RNF10: variants seen among roughly 807,000 people sequenced by gnomAD.
RNF10 encodes the protein E3 ubiquitin-protein ligase RNF10.
A neutral mutation model predicts 91.4 loss-of-function variants in RNF10; 38 were observed. That is an observed-to-expected ratio of 0.42 (90% CI 0.32 to 0.54). The LOEUF (loss-of-function observed/expected upper bound fraction) is 0.54. Ranked by LOEUF, RNF10 falls within the 20% of genes least tolerant of loss-of-function variation. The pLI is 0.16. For synonymous variants in RNF10, 364 were observed against 366.3 expected, an observed-to-expected ratio of 0.99 and a Z score of 0.07; for missense variants, 945 against 1,012.0, an observed-to-expected ratio of 0.93 and a Z score of 0.90.
rs570911445 is a variant in RNF10 at position 120,556,632 on chromosome 12, A to T, written c.646-650A>T. Reference sequence around the variant, plus strand: ...ATAGCATAAAAACTTAAGTTTTATTAAAAAAAAATGAAGTCTTTTTAATGC... The same window carrying T: ...ATAGCATAAAAACTTAAGTTTTATTTAAAAAAAATGAAGTCTTTTTAATGC... On this transcript the variant is annotated intron_variant, in intron 4 of 16. Transcript: ENST00000325954. Among the ~76,000 whole-genome samples the T allele has an allele frequency of 4.3e-4, 64 of 148,166 alleles. No individual in the cohort carries two copies. In the South Asian group the frequency reaches 6.0e-3, roughly 14 times the overall value.
chr12:120,564,011 A>G (rs1201002030), intron 10 of RNF10, 68 bp downstream of exon 10: 4 of 1,572,818 alleles, frequency 2.5e-6, no homozygotes, highest in East Asian at 2.2e-5. Flanking sequence ...AGGTAGGCCT[A>G]GCCATCCTAA....
chr12:120,537,976 C>T (rs1871081286), intron 1 of RNF10, among the ~76,000 whole-genome samples: 1 of 152,090 alleles, frequency 6.6e-6, no homozygotes, highest in Admixed American at 6.6e-5. Context: ...AGCAGATACT[C>T]AGGAGCTCTG....
chr12:120,569,819 T>G (rs1876348419), intron 13 of RNF10, among the ~76,000 whole-genome samples: 1 of 152,100 alleles, frequency 6.6e-6, no homozygotes, highest in African/African-American at 2.4e-5. Flanking sequence ...ATTATAGGCC[T>G]GAGCCACTGT....
At chr12:120,535,710 G>C (rs1249251863) in intron 1 of RNF10, among the ~76,000 whole-genome samples, 1 of 152,160 alleles carries the variant, frequency 6.6e-6, no homozygotes, top group African/African-American at 2.4e-5. Context: ...TGGACTATAG[G>C]ATTGTCCTTT....
At chr12:120,559,349 T>G (rs1874503245) in intron 6 of RNF10, among the ~76,000 whole-genome samples, 1 of 151,616 alleles carries the variant, frequency 6.6e-6, no homozygotes, top group Non-Finnish European at 1.5e-5. Context: ...GCCCGGCTAA[T>G]TTTTGTTTTT....
chr12:120,544,306 G>T (rs1406635920), intron 1 of RNF10, among the ~76,000 whole-genome samples: 2 of 148,322 alleles, frequency 1.3e-5, no homozygotes, highest in Non-Finnish European at 3.0e-5. Context: ...GATTGCTTGA[G>T]TCCAGGAGTT....
chr12:120,558,139 T>G (rs1201895097), intron 6 of RNF10, among the ~76,000 whole-genome samples: 1 of 152,184 alleles, frequency 6.6e-6, no homozygotes, highest in Non-Finnish European at 1.5e-5. Flanking sequence ...GGGGAAAAGA[T>G]AGATTTCTCA....
intron 11 of RNF10, 24 bp from the exon 12 acceptor site, chr12:120,565,404 C>T: frequency 6.2e-7 from 1 of 1,611,380 alleles, no homozygotes; most frequent in Non-Finnish European, 8.5e-7. Flanking sequence ...GGGTCTACCT[C>T]TTTACAACCT....
At chr12:120,537,883 G>T (rs1010331769) in intron 1 of RNF10, among the ~76,000 whole-genome samples, 1 of 152,150 alleles carries the variant, frequency 6.6e-6, no homozygotes, top group Non-Finnish European at 1.5e-5. Flanking sequence ...AGATTAAAAG[G>T]TTAGGAAACT....
At chr12:120,556,235 C>T (rs1406592559) in intron 4 of RNF10, among the ~76,000 whole-genome samples, 3 of 151,950 alleles carry the variant, frequency 2.0e-5, no homozygotes, top group Non-Finnish European at 4.4e-5. Context: ...GGGCTTTTGA[C>T]CTTAAAGCTT....
chr12:120,563,306 A>C (rs1246547197), intron 8 of RNF10, 41 bp from the exon 9 acceptor site: 3 of 1,572,048 alleles, frequency 1.9e-6, no homozygotes. Context: ...TTCGGAAAGC[A>C]GGAGATATCC....
Position 120,575,843 on chromosome 12 carries a change from A to G in RNF10, c.2252A>G (p.Asp751Gly). Residue 751 changes from aspartate (D) to glycine (G), a missense_variant, in exon 16 of 17, where the codon GAT becomes GGT. Transcript: ENST00000325954. Reference protein sequence around the residue: ...PAPVDSDGESDNSDRVPVPSF... With the variant: ...PAPVDSDGESGNSDRVPVPSF... ...CCTGTGGACAGCGACGGGGAGAGTGATAATTCAGACCGTGTTCCTGTGCCC... is the reference window on the plus strand; with the variant it reads ...CCTGTGGACAGCGACGGGGAGAGTGGTAATTCAGACCGTGTTCCTGTGCCC... 6.2e-7 allele frequency: 1 copy of G among 1,614,200 alleles called. No homozygotes were observed. The highest frequency in any genetic ancestry group is 8.5e-7 in the Non-Finnish European group (1 of 1,180,022).
chr12:120,566,632 C>T (rs1257162846), intron 12 of RNF10, among the ~76,000 whole-genome samples, 193 bp from the exon 13 acceptor site: 4 of 151,936 alleles, frequency 2.6e-5, no homozygotes, highest in African/African-American at 9.7e-5. Flanking sequence ...TGTGGTGGCA[C>T]GTGCCTGTGG....
chr12:120,575,067 C>T (rs752867300), intron 14 of RNF10: 31 of 147,384 alleles, frequency 2.1e-4, no homozygotes, highest in Non-Finnish European at 2.7e-4. Context: ...GGTGAAACCC[C>T]GTCTCTACTA....
chr12:120,574,105 G>A (rs1660436428), intron 14 of RNF10, among the ~76,000 whole-genome samples: 1 of 152,130 alleles, frequency 6.6e-6, no homozygotes, highest in Admixed American at 6.5e-5. Flanking sequence ...GGCTTGGGAG[G>A]GTCAAATGTC....
At chr12:120,570,030 A>G (rs962552487) in intron 13 of RNF10, among the ~76,000 whole-genome samples, 1 of 151,392 alleles carries the variant, frequency 6.6e-6, no homozygotes, top group African/African-American at 2.4e-5. Flanking sequence ...GTAGCTGTGT[A>G]GCGTGCCACC....
intron 1 of RNF10, among the ~76,000 whole-genome samples, chr12:120,536,363 T>A (rs999955242): frequency 6.6e-6 from 1 of 152,164 alleles, no homozygotes; most frequent in African/African-American, 2.4e-5. Flanking sequence ...AAGTTGAGGC[T>A]GCGGTGAGCT....
chr12:120,548,500 C>T (rs1872612143), intron 2 of RNF10, among the ~76,000 whole-genome samples: 1 of 152,034 alleles, frequency 6.6e-6, no homozygotes, highest in African/African-American at 2.4e-5. Context: ...GAAAGTTGAC[C>T]ATTCGATTTG....
chr12:120,566,817 C>T lies in RNF10; in HGVS notation c.1886-8C>T, dbSNP rs1304999275. The T allele has an allele frequency of 6.2e-7, 1 of 1,608,772 alleles. No homozygotes were observed. Among genetic ancestry groups the T allele is most frequent in the Admixed American group, 1.7e-5 (1 of 58,692 alleles). On this transcript the variant is annotated splice_polypyrimidine_tract_variant and splice_region_variant and intron_variant, in intron 12 of 16. Coordinates refer to ENST00000325954, the MANE Select transcript of RNF10 (RefSeq NM_014868.5). Reference sequence around the variant, plus strand: ...AATGGGTTTACAAGGGTTATCTTTCCTTTGCAGACCCAGAAGTCCACATTC... The same window carrying T: ...AATGGGTTTACAAGGGTTATCTTTCTTTTGCAGACCCAGAAGTCCACATTC...
Sources: allele counts gnomAD v4.1 joint callset (sites outside exome capture counted in the v4.1 genomes callset), GRCh38; gene constraint gnomAD v4.1.1; transcripts MANE v1.5; gene names NCBI Gene and HGNC (gene_info 2026-07-23, HGNC 2026-07-21).